The following ADAM18 variants were observed in gnomAD, a reference collection of about 807,000 sequenced individuals.
The protein encoded by ADAM18 is disintegrin and metalloproteinase domain-containing protein 18.
ADAM18 carries 117 observed loss-of-function variants against 94.4 expected under a neutral mutation model. The ratio of observed to expected loss-of-function variants is 1.24; its 90% CI spans 1.07 to 1.45. ADAM18 has a LOEUF of 1.45. ADAM18 is among the 40% of genes most tolerant of loss of function. The pLI is 0.00. For missense variants in ADAM18, 936 were observed against 880.0 expected, an observed-to-expected ratio of 1.06 and a Z score of -0.81; for synonymous variants, 327 against 291.6, an observed-to-expected ratio of 1.12 and a Z score of -1.24.
intron 18 of ADAM18, among the ~76,000 whole-genome samples, chr8:39,712,844 C>T (rs1344888751): frequency 5.3e-5 from 8 of 152,096 alleles, no homozygotes; most frequent in Non-Finnish European, 1.2e-4. Context: ...GAATCAGTAT[C>T]GTGAAAATGG....
At chr8:39,642,708 G>A (rs1820270160) in intron 10 of ADAM18, among the ~76,000 whole-genome samples, 1 of 151,692 alleles carries the variant, frequency 6.6e-6, no homozygotes, top group Non-Finnish European at 1.5e-5. Flanking sequence ...CTCCAGCTTT[G>A]TTTTCTTGTT....
intron 5 of ADAM18, among the ~76,000 whole-genome samples, chr8:39,609,775 G>T (rs889353779): frequency 1.3e-5 from 2 of 152,126 alleles, no homozygotes; most frequent in Non-Finnish European, 2.9e-5. Flanking sequence ...GTGGAAAATG[G>T]AATAGTTTCA....
intron 18 of ADAM18, among the ~76,000 whole-genome samples, chr8:39,711,137 A>T (rs1288392697): frequency 6.6e-6 from 1 of 152,206 alleles, no homozygotes; most frequent in Non-Finnish European, 1.5e-5. Context: ...CTGTCAAAAC[A>T]TTACCTGAAC....
intron 10 of ADAM18, among the ~76,000 whole-genome samples, chr8:39,641,684 C>T (rs2129579413): frequency 6.6e-6 from 1 of 152,266 alleles, no homozygotes; most frequent in African/African-American, 2.4e-5. Flanking sequence ...TGACCGCTAG[C>T]TCCATCCATG....
At chr8:39,655,279 G>T (rs2129579812) in intron 12 of ADAM18, among the ~76,000 whole-genome samples, 1 of 152,214 alleles carries the variant, frequency 6.6e-6, no homozygotes, top group Middle Eastern at 3.4e-3. Context: ...ATTTATTAAA[G>T]AGACTGTTCT....
intron 6 of ADAM18, among the ~76,000 whole-genome samples, chr8:39,615,836 A>T (rs533447758): frequency 7.9e-4 from 121 of 152,334 alleles, no homozygotes; most frequent in Non-Finnish European, 1.3e-3. Flanking sequence ...AGGCTCTTAG[A>T]TGTAGCAAAC....
intron 2 of ADAM18, among the ~76,000 whole-genome samples, chr8:39,591,773 C>G (rs1252291959): frequency 6.6e-6 from 1 of 152,176 alleles, no homozygotes; most frequent in Non-Finnish European, 1.5e-5. Flanking sequence ...TCTTTTCATA[C>G]TTTTTCAATA....
intron 18 of ADAM18, among the ~76,000 whole-genome samples, chr8:39,710,737 T>A (rs992025380): frequency 6.6e-6 from 1 of 152,202 alleles, no homozygotes; most frequent in Non-Finnish European, 1.5e-5. Context: ...ACACTGGCAG[T>A]TATGTTGTCA....
chr8:39,627,174 C>T lies in ADAM18; in HGVS notation c.523-2200C>T, dbSNP rs181312490. ...CTCACACTGCTGATAAAGACATACC[C>T]GAGACTGGGTAATTTGTAAAGTAAA... On this transcript the variant is annotated intron_variant, in intron 6 of 19. Transcript: ENST00000265707. 2.0e-5 allele frequency among the ~76,000 whole-genome samples: 3 copies of T among 152,130 alleles called. No individual in the cohort carries two copies. The East Asian group carries it at 5.8e-4, about 29-fold the overall frequency.
intron 17 of ADAM18, among the ~76,000 whole-genome samples, chr8:39,704,502 A>G (rs1585999088): frequency 6.6e-6 from 1 of 152,172 alleles, no homozygotes; most frequent in Non-Finnish European, 1.5e-5. Context: ...GATAAAATTC[A>G]ACATATTTTT....
At chr8:39,702,091 T>C (rs529971203) in intron 17 of ADAM18, among the ~76,000 whole-genome samples, 1 of 152,318 alleles carries the variant, frequency 6.6e-6, no homozygotes, top group East Asian at 1.9e-4. Flanking sequence ...CTGAACTAAT[T>C]AACACTCCCA....
intron 6 of ADAM18, among the ~76,000 whole-genome samples, chr8:39,622,547 T>C (rs532643439): frequency 5.3e-5 from 8 of 152,028 alleles, no homozygotes; most frequent in Admixed American, 3.9e-4. Context: ...ATTTTACTTA[T>C]GCAATTTTTA....
intron 12 of ADAM18, among the ~76,000 whole-genome samples, chr8:39,658,463 G>T (rs1003837937): frequency 6.6e-6 from 1 of 152,052 alleles, no homozygotes; most frequent in African/African-American, 2.4e-5. Flanking sequence ...TGGCTTTAAA[G>T]ATAGAGGAAA....
chr8:39,654,154 C>CTT (rs1177248372), intron 12 of ADAM18, among the ~76,000 whole-genome samples: 4 of 139,846 alleles, frequency 2.9e-5, no homozygotes, highest in East Asian at 4.3e-4. Flanking sequence ...GATTTCATTC[C>CTT]TTTTTTTTTT....
chr8:39,637,022 TATATATA>T (rs1563285189), intron 7 of ADAM18, among the ~76,000 whole-genome samples: 54 of 23,910 alleles, frequency 2.3e-3, no homozygotes, highest in Non-Finnish European at 3.3e-3. Context: ...GTGTATTTTA[TATATATA>T]TATATATATA....
chr8:39,664,359 A>G (rs986108838), intron 13 of ADAM18, among the ~76,000 whole-genome samples: 4 of 152,168 alleles, frequency 2.6e-5, no homozygotes, highest in African/African-American at 7.2e-5. Flanking sequence ...AAAATATATG[A>G]GAAGATGTGT....
At chr8:39,723,657 A>G (rs985447015) in intron 18 of ADAM18, 91 bp from the exon 19 acceptor site, 17 of 923,230 alleles carry the variant, frequency 1.8e-5, no homozygotes, top group Admixed American at 3.3e-5. Flanking sequence ...AAACTTCATT[A>G]TATATACACG....
At chr8:39,726,686 G>A (rs944073741) in intron 19 of ADAM18, among the ~76,000 whole-genome samples, 1 of 152,022 alleles carries the variant, frequency 6.6e-6, no homozygotes, top group South Asian at 2.1e-4. Flanking sequence ...TTTCAGGTAA[G>A]GATTAGGCTT....
chr8:39,678,703 A>G (rs553419739), intron 15 of ADAM18, among the ~76,000 whole-genome samples: 101 of 152,260 alleles, frequency 6.6e-4, no homozygotes, highest in African/African-American at 2.3e-3. Flanking sequence ...AAGATTATTC[A>G]TGAAAAAAAG....
Sources: allele counts gnomAD v4.1 joint callset (sites outside exome capture counted in the v4.1 genomes callset), GRCh38; gene constraint gnomAD v4.1.1; transcripts MANE v1.5; gene names NCBI Gene and HGNC (gene_info 2026-07-23, HGNC 2026-07-21).